The following TMPRSS11A variants were observed in gnomAD, a reference collection of about 807,000 sequenced individuals.
TMPRSS11A encodes the protein transmembrane protease serine 11A.
Under a neutral mutation model 58.9 loss-of-function variants are expected in TMPRSS11A, and 53 were observed. The observed-to-expected ratio is 0.90, with a 90% CI of 0.72 to 1.13. The LOEUF is 1.13. Ranked by LOEUF, TMPRSS11A falls within the 50% of genes most tolerant of loss-of-function variation. TMPRSS11A has a pLI of 0.00. For missense variants in TMPRSS11A, 493 were observed against 499.3 expected, an observed-to-expected ratio of 0.99 and a Z score of 0.12; for synonymous variants, 167 against 169.8, an observed-to-expected ratio of 0.98 and a Z score of 0.13.
Position 67,911,053 on chromosome 4 carries a change from A to G in TMPRSS11A, c.*289T>C. ...CTAAAAATCCCATGGACTATCTTCA[A>G]AAATATGTATTGAGTCTCACTGGTA... is the stretch of plus-strand genomic sequence containing the variant. On this transcript the variant is annotated 3_prime_UTR_variant, in exon 10 of 10. Coordinates refer to ENST00000508048, the MANE Select transcript of TMPRSS11A (RefSeq NM_001114387.2). The G allele has an allele frequency of 4.2e-6, 1 of 238,180 alleles. No individual in the cohort carries two copies. Among genetic ancestry groups the G allele is most frequent in the Admixed American group, 5.2e-5 (1 of 19,058 alleles). 14.8% of individuals were successfully genotyped at this position (238,180 alleles called of 1,614,324 possible).
At chr4:67,932,643 T>C (rs1720657869) in intron 3 of TMPRSS11A, among the ~76,000 whole-genome samples, 1 of 152,170 alleles carries the variant, frequency 6.6e-6, no homozygotes, top group African/African-American at 2.4e-5. Context: ...TAATTGCTGA[T>C]GGTCCTCTAG....
chr4:67,924,013 G>A lies in TMPRSS11A; in HGVS notation c.520+115C>T, dbSNP rs896481221. Reference sequence around the variant, plus strand: ...TGTATTTAAATCTATCGTACAAATAGTTATTATCTCTCAAAGAAAATCTGG... The same window carrying A: ...TGTATTTAAATCTATCGTACAAATAATTATTATCTCTCAAAGAAAATCTGG... On this transcript the variant is annotated intron_variant, in intron 6 of 9. Transcript: ENST00000508048. 4.6e-6 allele frequency: 4 copies of A among 874,016 alleles called. No individual in the cohort carries two copies. The Admixed American group carries it at 7.2e-5, about 16-fold the overall frequency. 54.1% of individuals were successfully genotyped at this position (874,016 alleles called of 1,614,324 possible).
At chr4:67,920,550 T>TATATATATA (rs374550125) in intron 7 of TMPRSS11A, among the ~76,000 whole-genome samples, 1,940 of 58,332 alleles carry the variant, frequency 0.033, 28 homozygotes, top group East Asian at 0.17. Context: ...TATATATATA[T>TATATATATA]TTTTTTTTAT....
At chr4:67,956,972 G>A (rs993796163) in intron 1 of TMPRSS11A, among the ~76,000 whole-genome samples, 12 of 152,164 alleles carry the variant, frequency 7.9e-5, no homozygotes, top group South Asian at 4.1e-4. Flanking sequence ...CAATGGATAA[G>A]TCTCATGAGA....
At chr4:67,944,789 A>G in intron 2 of TMPRSS11A, 152 bp from the exon 3 acceptor site, 3 of 641,316 alleles carry the variant, frequency 4.7e-6, no homozygotes, top group Non-Finnish European at 5.2e-6. Context: ...TTTTATATCA[A>G]TTATAATAGC....
chr4:67,925,682 G>A (rs353158), intron 5 of TMPRSS11A, among the ~76,000 whole-genome samples: 13,689 of 152,212 alleles, frequency 0.09, 750 homozygotes, highest in African/African-American at 0.16. Context: ...GTCAAATGTA[G>A]TTTAAGGCAG....
chr4:67,923,252 A>G (rs1720379726), intron 6 of TMPRSS11A, among the ~76,000 whole-genome samples: 1 of 152,192 alleles, frequency 6.6e-6, no homozygotes. Flanking sequence ...AGCAGGGATC[A>G]TGTTTTATTC....
chr4:67,958,640 CTG>C (rs1222606363), intron 1 of TMPRSS11A, among the ~76,000 whole-genome samples: 1 of 152,172 alleles, frequency 6.6e-6, no homozygotes, highest in East Asian at 1.9e-4. Context: ...TCAGATGAGA[CTG>C]TGGACTTTAG....
chr4:67,948,053 A>G (rs187409345), intron 1 of TMPRSS11A, among the ~76,000 whole-genome samples: 1 of 151,656 alleles, frequency 6.6e-6, no homozygotes, highest in Admixed American at 6.6e-5. Context: ...GATAGCCTAA[A>G]TTTTTTTGGA....
chr4:67,924,238 C>G (rs1306487532), intron 5 of TMPRSS11A, 72 bp from the exon 6 acceptor site: 2 of 1,250,062 alleles, frequency 1.6e-6, no homozygotes, highest in African/African-American at 3.0e-5. Flanking sequence ...CAGGAATAAT[C>G]AGAGGATACT....
At chr4:67,938,277 G>A (rs1467315733) in intron 3 of TMPRSS11A, among the ~76,000 whole-genome samples, 2 of 151,996 alleles carry the variant, frequency 1.3e-5, no homozygotes, top group Non-Finnish European at 2.9e-5. Flanking sequence ...TTGTTGAGTT[G>A]TTTAAGTTCT....
At chr4:67,960,219 C>A (rs1721392263) in intron 1 of TMPRSS11A, among the ~76,000 whole-genome samples, 1 of 152,110 alleles carries the variant, frequency 6.6e-6, no homozygotes, top group Admixed American at 6.5e-5. Flanking sequence ...GTGCTATGCC[C>A]ACTACCTGGG....
chr4:67,941,538 G>T (rs1720879381), intron 3 of TMPRSS11A, among the ~76,000 whole-genome samples: 1 of 152,110 alleles, frequency 6.6e-6, no homozygotes, highest in Admixed American at 6.5e-5. Flanking sequence ...TTTCCAAAAA[G>T]ATTGGAAGCA....
In TMPRSS11A at chr4:67,921,788, C is replaced by T. The variant is rs184495845; in HGVS notation, c.692+967G>A. 3.3e-4 allele frequency among the ~76,000 whole-genome samples: 51 copies of T among 152,268 alleles called. No individual in the cohort carries two copies. The East Asian group carries it at 9.8e-3, about 29-fold the overall frequency. On this transcript the variant is annotated intron_variant, in intron 7 of 9. Coordinates refer to ENST00000508048, the MANE Select transcript of TMPRSS11A (RefSeq NM_001114387.2). ...AAGGTTCAATAATTTGCCCAGCTCT[C>T]CAACTGCCTGGGACATATTTTTCCC...
At chr4:67,945,999 A>G (rs991471804) in intron 2 of TMPRSS11A, among the ~76,000 whole-genome samples, 2 of 152,158 alleles carry the variant, frequency 1.3e-5, no homozygotes, top group African/African-American at 4.8e-5. Context: ...TTATTAGACA[A>G]GTGTTTTTCT....
At chr4:67,939,812 C>T (rs1720837958) in intron 3 of TMPRSS11A, among the ~76,000 whole-genome samples, 1 of 152,120 alleles carries the variant, frequency 6.6e-6, no homozygotes, top group African/African-American at 2.4e-5. Context: ...CCTCAGCCCT[C>T]CGAGTAGCTG....
At chr4:67,940,839 C>T (rs987116925) in intron 3 of TMPRSS11A, among the ~76,000 whole-genome samples, 1 of 152,190 alleles carries the variant, frequency 6.6e-6, no homozygotes. Context: ...TATGTTTCTC[C>T]TTTCATAAGT....
At chr4:67,912,522 G>A (rs1346689680) in intron 9 of TMPRSS11A, among the ~76,000 whole-genome samples, 2 of 152,032 alleles carry the variant, frequency 1.3e-5, no homozygotes, top group Non-Finnish European at 2.9e-5. Flanking sequence ...TAAGAAGTAG[G>A]GTATCAGAAG....
chr4:67,929,141 C>T (rs1481759778), intron 5 of TMPRSS11A, among the ~76,000 whole-genome samples: 4 of 152,076 alleles, frequency 2.6e-5, no homozygotes, highest in Non-Finnish European at 5.9e-5. Flanking sequence ...TTACTGAATT[C>T]CTCAACTCTT....
Sources: gnomAD v4.1 joint callset for allele counts (sites outside exome capture counted in the v4.1 genomes callset) on GRCh38, gnomAD v4.1.1 for gene constraint, MANE v1.5 for transcripts, NCBI Gene and HGNC (gene_info 2026-07-23, HGNC 2026-07-21) for gene names.